ELF4: variants seen among roughly 807,000 people sequenced by gnomAD.
ELF4 encodes the protein ETS-related transcription factor Elf-4.
In ELF4, 10 loss-of-function variants were observed where a neutral mutation model predicts 31.7. That is an observed-to-expected ratio of 0.32 (90% CI 0.19 to 0.54). The LOEUF (loss-of-function observed/expected upper bound fraction) is 0.54. Ranked by LOEUF, ELF4 falls within the 20% of genes least tolerant of loss-of-function variation. The probability of loss-of-function intolerance (pLI) is 0.95; values close to 1 mark genes in which losing one functional copy is unlikely to be tolerated. For missense variants in ELF4, 418 were observed against 522.0 expected, an observed-to-expected ratio of 0.80 and a Z score of 1.94; for synonymous variants, 208 against 226.7, an observed-to-expected ratio of 0.92 and a Z score of 0.74.
chrX:130,072,020 A>T (rs947018964), intron 5 of ELF4, among the ~76,000 whole-genome samples: 1 of 111,958 alleles, frequency 8.9e-6, no homozygotes, highest in Non-Finnish European at 1.9e-5. Flanking sequence ...GTTTATGCAG[A>T]TCCCAGGCAG....
chrX:130,111,426 G>A (rs1157787617), upstream of ELF4, among the ~76,000 whole-genome samples: 1 of 113,031 alleles, frequency 8.8e-6, no homozygotes, highest in Admixed American at 9.2e-5. Flanking sequence ...TTGAGCTCCT[G>A]GGGTGTGCAG....
intron 1 of ELF4, among the ~76,000 whole-genome samples, chrX:130,083,926 G>A (rs1208020010): frequency 3.6e-5 from 4 of 111,287 alleles, no homozygotes; most frequent in African/African-American, 1.3e-4. Flanking sequence ...TCTGGGCAAC[G>A]TTTATCTGTA....
chrX:130,107,475 G>A (rs1320968972), intron 1 of ELF4, among the ~76,000 whole-genome samples: 1 of 110,703 alleles, frequency 9.0e-6, no homozygotes, highest in East Asian at 2.8e-4. Flanking sequence ...TTTGATCCTG[G>A]CTTCCAATTA....
chrX:130,075,144 G>C (rs1384751258), intron 2 of ELF4, among the ~76,000 whole-genome samples: 1 of 110,577 alleles, frequency 9.0e-6, no homozygotes, highest in Non-Finnish European at 1.9e-5. Context: ...AATTTTTATA[G>C]TTTTTGTAGA....
intron 1 of ELF4, among the ~76,000 whole-genome samples, chrX:130,097,484 A>T (rs1464747981): frequency 8.9e-6 from 1 of 111,955 alleles, no homozygotes; most frequent in Non-Finnish European, 1.9e-5. Flanking sequence ...AAAAGCGAGC[A>T]CTGTAAGGCA....
intron 2 of ELF4, among the ~76,000 whole-genome samples, chrX:130,075,714 C>T (rs1569403887): frequency 8.9e-6 from 1 of 111,836 alleles, no homozygotes; most frequent in African/African-American, 3.2e-5. Flanking sequence ...AACCTATAGT[C>T]GGGGGACAAG....
chrX:130,079,537 G>T (rs1328109771), intron 2 of ELF4, among the ~76,000 whole-genome samples: 12 of 111,672 alleles, frequency 1.1e-4, no homozygotes, highest in African/African-American at 3.9e-4. Flanking sequence ...ATGCAGGAGA[G>T]AACAGATTAA....
intron 5 of ELF4, among the ~76,000 whole-genome samples, chrX:130,071,843 T>C (rs984429348): frequency 8.9e-6 from 1 of 112,194 alleles, no homozygotes; most frequent in Non-Finnish European, 1.9e-5. Flanking sequence ...CTCTCATATA[T>C]GGCCTCGGCT....
Position 130,066,430 on chromosome X carries a change from C to T in ELF4, c.*291G>A. On this transcript the variant is annotated 3_prime_UTR_variant, in exon 9 of 9. Coordinates refer to ENST00000308167, the MANE Select transcript of ELF4 (RefSeq NM_001421.4). Reference sequence around the variant, plus strand: ...TTCTCACAAAGCTGCTGCACAAACCCTGGCCACAAACTTCTGCCTGGCTCA... The same window carrying T: ...TTCTCACAAAGCTGCTGCACAAACCTTGGCCACAAACTTCTGCCTGGCTCA... 2.7e-6 allele frequency: 1 copy of T among 366,618 alleles called. No homozygotes were observed. The highest frequency in any genetic ancestry group is 4.7e-6 in the Non-Finnish European group (1 of 210,921). 30.2% of individuals were successfully genotyped at this position (366,618 alleles called of 1,213,427 possible).
At chrX:130,102,657 A>T (rs999649655) in intron 1 of ELF4, among the ~76,000 whole-genome samples, 5 of 108,227 alleles carry the variant, frequency 4.6e-5, no homozygotes, top group African/African-American at 1.7e-4. Context: ...CTACAAAAAA[A>T]AAATTTAAAA....
intron 1 of ELF4, among the ~76,000 whole-genome samples, chrX:130,084,705 C>T (rs955141852): frequency 3.6e-5 from 4 of 111,663 alleles, no homozygotes; most frequent in African/African-American, 1.3e-4. Context: ...GAGAAACCAT[C>T]CGCCCTAACC....
chrX:130,082,630 C>T (rs911190076), intron 1 of ELF4, among the ~76,000 whole-genome samples: 2 of 111,371 alleles, frequency 1.8e-5, no homozygotes, highest in South Asian at 3.8e-4. Flanking sequence ...TTCCCCCTGT[C>T]GCCACTCCTC....
chrX:130,082,607 G>A (rs1264654656), intron 1 of ELF4, among the ~76,000 whole-genome samples: 8 of 110,970 alleles, frequency 7.2e-5, no homozygotes, highest in Admixed American at 2.9e-4. Context: ...CATGGCGTCC[G>A]GGCCTGCATT....
rs752272034 is a variant in ELF4, at chrX:130,065,041, G to A, written c.*1680C>T. 1 of 172,452 alleles carries A rather than the reference G, an allele frequency of 5.8e-6. No homozygotes were observed. The highest frequency in any genetic ancestry group is 3.1e-4 in the South Asian group (1 of 3,182). 14.2% of individuals were successfully genotyped at this position (172,452 alleles called of 1,213,427 possible). A position where few individuals can be genotyped will look rare whatever the true frequency, so the allele number is the denominator to read the frequency against. ...CACAGTGCCCTCCAGGGGGCAGGGA[G>A]AAGAAGAGTAGGAGAGGGTGATAGT... On this transcript the variant is annotated 3_prime_UTR_variant, in exon 9 of 9. Coordinates refer to ENST00000308167, the MANE Select transcript of ELF4 (RefSeq NM_001421.4).
chrX:130,102,108 TG>T (rs1414065565), intron 1 of ELF4, among the ~76,000 whole-genome samples: 2 of 112,878 alleles, frequency 1.8e-5, no homozygotes, highest in African/African-American at 6.4e-5. Flanking sequence ...ATCGCACGAC[TG>T]GCACTCCAGC....
chrX:130,106,391 G>T (rs763088309), intron 1 of ELF4, among the ~76,000 whole-genome samples: 8 of 111,460 alleles, frequency 7.2e-5, no homozygotes, highest in Non-Finnish European at 1.5e-4. Context: ...GCATCGGTTG[G>T]GCACACAGTA....
At chrX:130,107,454 T>C (rs1933397865) in intron 1 of ELF4, among the ~76,000 whole-genome samples, 1 of 111,282 alleles carries the variant, frequency 9.0e-6, no homozygotes, top group African/African-American at 3.3e-5. Context: ...TCCCCCACAC[T>C]GGCTCAGGAA....
In ELF4 at chrX:130,081,408, AC is replaced by A; in HGVS notation, c.-79del. On this transcript the variant is annotated 5_prime_UTR_variant, in exon 2 of 9. Coordinates refer to ENST00000308167, the MANE Select transcript of ELF4 (RefSeq NM_001421.4). ...GGGGCTTTCTTGATGAAGGGACAAT[AC>A]CCAGGTACTTTGGAGCCTAGAGCCT... 9.7e-7 allele frequency: 1 copy of A among 1,031,589 alleles called. No individual in the cohort carries two copies. The highest frequency in any genetic ancestry group is 1.4e-6 in the Non-Finnish European group (1 of 733,328). 85.0% of individuals were successfully genotyped at this position (1,031,589 alleles called of 1,213,427 possible). A position where few individuals can be genotyped will look rare whatever the true frequency, so the allele number is the denominator to read the frequency against.
chrX:130,106,621 G>A (rs970772670), intron 1 of ELF4, among the ~76,000 whole-genome samples: 2 of 111,951 alleles, frequency 1.8e-5, no homozygotes, highest in African/African-American at 6.5e-5. Context: ...CTAGGAAAGC[G>A]CCTATGGGAT....
Sources: allele counts gnomAD v4.1 joint callset (sites outside exome capture counted in the v4.1 genomes callset), GRCh38; gene constraint gnomAD v4.1.1; transcripts MANE v1.5; gene names NCBI Gene and HGNC (gene_info 2026-07-23, HGNC 2026-07-21).